Variants in C17orf114 observed in about 807,000 individuals in gnomAD.
The protein encoded by C17orf114 is chromosome 17 open reading frame 114, also known as uncharacterized protein C17orf114.
At chr17:4,804,677 C>T (rs1281436163), upstream of C17orf114, among the ~76,000 whole-genome samples, 1 of 150,998 alleles carries the variant, frequency 6.6e-6, no homozygotes, top group Non-Finnish European at 1.5e-5. Flanking sequence ...CGGCTCACTG[C>T]AATTTCTGAC....
upstream of C17orf114, among the ~76,000 whole-genome samples, chr17:4,805,932 A>C (rs1311177737): frequency 1.3e-5 from 2 of 152,222 alleles, no homozygotes; most frequent in African/African-American, 4.8e-5. Flanking sequence ...CAGCCTGGGC[A>C]ACACAGCAAG....
chr17:4,801,962 C>T (rs1905521937), intron 1 of C17orf114, among the ~76,000 whole-genome samples: 1 of 152,100 alleles, frequency 6.6e-6, no homozygotes, highest in Admixed American at 6.5e-5. Flanking sequence ...ATCCCCTGAC[C>T]TCGTGATCTA....
upstream of C17orf114, chr17:4,806,963 T>TGCAGGGCACAGGGCGGCCCC (rs1905888068): frequency 6.7e-6 from 1 of 149,742 alleles, no homozygotes; most frequent in Non-Finnish European, 1.5e-5. Flanking sequence ...CCCGCGGCCC[T>TGCAGGGCACAGGGCGGCCCC]GCAGGGCACA....
upstream of C17orf114, chr17:4,806,750 G>A (rs982505773): frequency 6.6e-6 from 1 of 151,658 alleles, no homozygotes; most frequent in African/African-American, 2.4e-5. Context: ...GGCACCTACC[G>A]GCAGCTCCCG....
chr17:4,803,433 TTTTTTTTTTG>T (rs1905564608), upstream of C17orf114, among the ~76,000 whole-genome samples: 2 of 131,422 alleles, frequency 1.5e-5, no homozygotes, highest in Admixed American at 7.9e-5. Context: ...TTTTTTTTTT[TTTTTTTTTTG>T]AGACAGAGTC....
chr17:4,805,370 C>T (rs576954407), upstream of C17orf114, among the ~76,000 whole-genome samples: 1 of 150,890 alleles, frequency 6.6e-6, no homozygotes, highest in South Asian at 2.1e-4. Context: ...TGCAGTGAGC[C>T]GAGATCGCGC....
upstream of C17orf114, chr17:4,806,981 C>T (rs962178618): frequency 2.8e-4 from 42 of 150,668 alleles, 1 homozygote; most frequent in African/African-American, 9.9e-4. Flanking sequence ...ACAGGGCGGC[C>T]CCCTGCCCGG....
chr17:4,802,484 G>A (rs1208489721), upstream of C17orf114: 2 of 395,140 alleles, frequency 5.1e-6, no homozygotes, highest in East Asian at 3.6e-5. Context: ...AGGAAGAAAG[G>A]GGTGGGGGTA....
chr17:4,805,371 G>A (rs962918766), upstream of C17orf114, among the ~76,000 whole-genome samples: 6 of 151,172 alleles, frequency 4.0e-5, no homozygotes, highest in Non-Finnish European at 7.4e-5. Flanking sequence ...GCAGTGAGCC[G>A]AGATCGCGCC....
upstream of C17orf114, among the ~76,000 whole-genome samples, chr17:4,805,959 AG>A (rs1370165774): frequency 1.3e-5 from 2 of 152,344 alleles, no homozygotes; most frequent in East Asian, 3.8e-4. Flanking sequence ...TCTCAAAAAA[AG>A]AAAAAAAAAG....
chr17:4,804,210 T>TC (rs1438146969), upstream of C17orf114, among the ~76,000 whole-genome samples: 2 of 113,190 alleles, frequency 1.8e-5, no homozygotes, highest in Non-Finnish European at 3.5e-5. Context: ...TCTTTTTTCT[T>TC]TTTTTTTTTT....
chr17:4,803,848 A>C (rs1905575816), upstream of C17orf114, among the ~76,000 whole-genome samples: 1 of 151,782 alleles, frequency 6.6e-6, no homozygotes. Flanking sequence ...CAGCCTCCCA[A>C]GTAGCTGGGA....
At chr17:4,801,990 A>G (rs1476046069) in intron 1 of C17orf114, among the ~76,000 whole-genome samples, 1 of 151,930 alleles carries the variant, frequency 6.6e-6, no homozygotes, top group Admixed American at 6.6e-5. Context: ...TGGCCTCCCA[A>G]AGTGCTAGGA....
At chr17:4,802,472 G>A (rs76568902), upstream of C17orf114, 3,027 of 395,434 alleles carry the variant, frequency 7.7e-3, 20 homozygotes, top group Middle Eastern at 0.019. Flanking sequence ...GGGAGAGGAG[G>A]GAGGAAGAAA....
At chr17:4,803,052 G>A (rs1230852466), upstream of C17orf114, among the ~76,000 whole-genome samples, 4 of 152,054 alleles carry the variant, frequency 2.6e-5, no homozygotes, top group East Asian at 7.7e-4. Flanking sequence ...AAGTAGCTGG[G>A]ACTACAGGCG....
At chr17:4,803,596 T>G (rs1234642646), upstream of C17orf114, among the ~76,000 whole-genome samples, 1 of 151,050 alleles carries the variant, frequency 6.6e-6, no homozygotes, top group African/African-American at 2.4e-5. Flanking sequence ...GGCTAATTTT[T>G]TTTGTATTTT....
chr17:4,803,349 GA>G (rs1905559306), upstream of C17orf114, among the ~76,000 whole-genome samples: 1 of 150,354 alleles, frequency 6.7e-6, no homozygotes, highest in South Asian at 2.1e-4. Flanking sequence ...AGCCGAGTAG[GA>G]ACCATGCCCA....
intron 1 of C17orf114, 68 bp from the exon 2 acceptor site, chr17:4,801,523 G>A (rs1192365267): frequency 2.5e-6 from 1 of 395,426 alleles, no homozygotes; most frequent in African/African-American, 2.1e-5. Context: ...CCAACCCAGG[G>A]TTGAGGAGGG....
rs549247722 is a variant in C17orf114 at position 4,802,009 on chromosome 17, A to G, written c.73+238T>C. On this transcript the variant is annotated intron_variant, in intron 1 of 1. Coordinates refer to ENST00000635921, the Ensembl canonical transcript of C17orf114. The stretch of plus-strand genomic sequence containing the variant: ...CTCCCAAAGTGCTAGGATTACAGGC[A>G]TGAGCCACCGTACCCGGCCGAAATT... Among the ~76,000 whole-genome samples the G allele has an allele frequency of 2.2e-3, 337 of 152,210 alleles. 2 individuals are homozygous for G. The highest frequency in any genetic ancestry group is 8.0e-3 in the Admixed American group (122 of 15,270).
Sources: allele counts gnomAD v4.1 joint callset (sites outside exome capture counted in the v4.1 genomes callset), GRCh38; gene constraint gnomAD v4.1.1; transcripts MANE v1.5; gene names NCBI Gene and HGNC (gene_info 2026-07-23, HGNC 2026-07-21).